ATP8A1: variants seen among roughly 807,000 people sequenced by gnomAD.
The protein encoded by ATP8A1 is phospholipid-transporting ATPase IA.
A neutral mutation model predicts 177.7 loss-of-function variants in ATP8A1; 90 were observed. The observed-to-expected ratio is 0.51, with a 90% CI of 0.43 to 0.60. The LOEUF is 0.60. Among genes scored for constraint, ATP8A1 ranks in the 20% least tolerant of loss-of-function variants. The pLI is 0.00. For missense variants in ATP8A1, 1,072 were observed against 1,392.8 expected, an observed-to-expected ratio of 0.77 and a Z score of 3.67; for synonymous variants, 493 against 485.9, an observed-to-expected ratio of 1.01 and a Z score of -0.19.
intron 20 of ATP8A1, among the ~76,000 whole-genome samples, chr4:42,529,418 CGTATCAT>C (rs1229104738): frequency 6.6e-6 from 1 of 152,166 alleles, no homozygotes; most frequent in Non-Finnish European, 1.5e-5. Flanking sequence ...ACCTGAACTG[CGTATCAT>C]GAACTGGGTA....
intron 18 of ATP8A1, 31 bp from the exon 19 acceptor site, chr4:42,549,093 C>A (rs1729221127): frequency 6.4e-7 from 1 of 1,554,316 alleles, no homozygotes; most frequent in East Asian, 2.2e-5. Flanking sequence ...TAATTACATA[C>A]AGTTGGAAAA....
At chr4:42,480,453 G>A (rs933234244) in intron 25 of ATP8A1, among the ~76,000 whole-genome samples, 1 of 152,150 alleles carries the variant, frequency 6.6e-6, no homozygotes, top group Non-Finnish European at 1.5e-5. Context: ...TTAACAGTTT[G>A]TAAAAGTCTT....
rs1381379066 is a variant in ATP8A1 at position 42,472,210 on chromosome 4, AT to A, written c.2325-7135del. 3 of 591,878 alleles carry A rather than the reference AT, an allele frequency of 5.1e-6. No homozygotes were observed. The African/African-American group carries it at 5.6e-5, about 11-fold the overall frequency. The allele number at this position is 591,878 out of a possible 1,614,324, so 36.7% of individuals were successfully genotyped here. A position where few individuals can be genotyped will look rare whatever the true frequency, so the allele number is the denominator to read the frequency against. On this transcript the variant is annotated intron_variant, in intron 25 of 36. Transcript: ENST00000381668. Reference sequence around the variant, plus strand: ...TGAGGACTTGATCTTCCCAAGTGAAATTGTGGGCAAGAGAATCTGTGTGAAA... The same window carrying A: ...TGAGGACTTGATCTTCCCAAGTGAAATGTGGGCAAGAGAATCTGTGTGAAA...
At chr4:42,655,180 T>A (rs1484127209) in intron 1 of ATP8A1, among the ~76,000 whole-genome samples, 1 of 152,246 alleles carries the variant, frequency 6.6e-6, no homozygotes. Context: ...ACTGAACTAG[T>A]TACTTGACCT....
At chr4:42,588,173 G>C (rs1733817846) in intron 8 of ATP8A1, 87 bp downstream of exon 8, 3 of 1,175,722 alleles carry the variant, frequency 2.6e-6, no homozygotes, top group Non-Finnish European at 2.5e-6. Flanking sequence ...GGACAGATTA[G>C]TTCAAGACAA....
intron 15 of ATP8A1, chr4:42,561,706 A>G (rs1577592320): frequency 6.6e-6 from 1 of 152,354 alleles, no homozygotes; most frequent in Non-Finnish European, 1.5e-5. Flanking sequence ...GCTCATCTCA[A>G]CAGAAGTCAC....
At chr4:42,514,836 A>G (rs893993153) in intron 22 of ATP8A1, among the ~76,000 whole-genome samples, 1 of 152,220 alleles carries the variant, frequency 6.6e-6, no homozygotes, top group African/African-American at 2.4e-5. Flanking sequence ...CTTTCACAAC[A>G]GCAAGATAAA....
At chr4:42,436,131 C>T (rs1715968626) in intron 33 of ATP8A1, among the ~76,000 whole-genome samples, 1 of 152,104 alleles carries the variant, frequency 6.6e-6, no homozygotes, top group Admixed American at 6.5e-5. Flanking sequence ...TGTGCCGTAC[C>T]AGGAGCAGGC....
At chr4:42,592,149 C>A (rs550493696) in intron 6 of ATP8A1, among the ~76,000 whole-genome samples, 9 of 152,210 alleles carry the variant, frequency 5.9e-5, no homozygotes, top group African/African-American at 2.2e-4. Context: ...AGCAGCACAG[C>A]TTTTATTTTG....
rs1405867606 is a variant in ATP8A1, at chr4:42,503,460, C to G, written c.2141G>C (p.Gly714Ala). 4 of 1,600,784 alleles carry G rather than the reference C, an allele frequency of 2.5e-6. No homozygotes were observed. Among genetic ancestry groups the G allele is most frequent in the Admixed American group, 3.4e-5 (2 of 59,636 alleles). The change falls in exon 24 of 37, where the codon GGC (glycine) becomes GCC (alanine). Residue 714 changes from glycine (G) to alanine (A), a missense_variant. Physicochemically the swap from Gly to Ala is moderately conservative, Grantham distance 60. This residue lies in a region of ATP8A1 where 388 missense variants were observed against 471.7 expected (regional missense o/e 0.82). Coordinates refer to ENST00000381668, the MANE Select transcript of ATP8A1 (RefSeq NM_006095.2). The stretch of plus-strand genomic sequence containing the variant: ...CATAATTTTACTTACATCAAGAGAG[C>G]CTTCATTTATAACAATCATTCCCAT... ...KNMGMIVINEGSLDGTRETLS... is the reference protein window; with the variant it reads ...KNMGMIVINEASLDGTRETLS...
At chr4:42,431,818 G>A (rs7694811) in intron 33 of ATP8A1, among the ~76,000 whole-genome samples, 62,362 of 151,524 alleles carry the variant, frequency 0.41, 13,021 homozygotes, top group African/African-American at 0.46. Context: ...AGGTCATTTA[G>A]TTTCTCTTGT....
At chr4:42,609,588 C>T (rs912800147) in intron 5 of ATP8A1, among the ~76,000 whole-genome samples, 2 of 152,152 alleles carry the variant, frequency 1.3e-5, no homozygotes, top group African/African-American at 2.4e-5. Flanking sequence ...AAATGAACAA[C>T]GGCTACTTCT....
chr4:42,485,613 T>C lies in ATP8A1; in HGVS notation c.2207A>G (p.Lys736Arg), dbSNP rs780318887. 2 of 1,613,776 alleles carry C rather than the reference T, an allele frequency of 1.2e-6. No individual in the cohort carries two copies. Among genetic ancestry groups the C allele is most frequent in the Non-Finnish European group, 1.7e-6 (2 of 1,179,784 alleles). ...HCTTLGDALR[K>R]ENDFALIIDG... ...AATTATAAGAGCAAAATCATTCTCTTTCCGGAGAGCATCACCAAGGGTAGT... is the reference window on the plus strand; with the variant it reads ...AATTATAAGAGCAAAATCATTCTCTCTCCGGAGAGCATCACCAAGGGTAGT... Residue 736 changes from lysine to arginine, a missense_variant, in exon 25 of 37, where the codon AAA (lysine) becomes AGA (arginine). Around this residue, in one of 5 missense-constraint regions of ATP8A1, gnomAD observed 388 missense variants for 471.7 expected, o/e 0.82. Coordinates refer to ENST00000381668, the MANE Select transcript of ATP8A1 (RefSeq NM_006095.2).
chr4:42,530,459 A>G (rs560817538), intron 20 of ATP8A1, among the ~76,000 whole-genome samples: 67 of 152,312 alleles, frequency 4.4e-4, no homozygotes, highest in African/African-American at 1.5e-3. Flanking sequence ...TGGACTCAAG[A>G]TCTTCCACAC....
chr4:42,479,748 AAGTT>A (rs1332716388), intron 25 of ATP8A1, among the ~76,000 whole-genome samples: 2 of 152,282 alleles, frequency 1.3e-5, no homozygotes, highest in African/African-American at 4.8e-5. Flanking sequence ...TGTTTATTCA[AAGTT>A]AGTATGAAAC....
At chr4:42,633,726 C>A (rs776379303) in intron 1 of ATP8A1, among the ~76,000 whole-genome samples, 15 of 152,164 alleles carry the variant, frequency 9.9e-5, no homozygotes, top group Non-Finnish European at 1.9e-4. Flanking sequence ...CAATGCCTGG[C>A]ACGTAGTAAG....
chr4:42,600,416 A>G, intron 6 of ATP8A1, 62 bp downstream of exon 6: 1 of 1,328,156 alleles, frequency 7.5e-7, no homozygotes, highest in Non-Finnish European at 1.0e-6. Context: ...AAAAAATTAT[A>G]TATACTAGAG....
At chr4:42,490,684 T>A (rs999155452) in intron 24 of ATP8A1, among the ~76,000 whole-genome samples, 2 of 152,182 alleles carry the variant, frequency 1.3e-5, no homozygotes, top group Non-Finnish European at 2.9e-5. Context: ...ATTCTCCCCA[T>A]TGGCACTATT....
chr4:42,505,615 AAAAT>A (rs1320936310), intron 23 of ATP8A1, among the ~76,000 whole-genome samples: 1 of 152,228 alleles, frequency 6.6e-6, no homozygotes, highest in African/African-American at 2.4e-5. Flanking sequence ...TAGTTTTTAA[AAAAT>A]AAACTGAATT....
Sources: allele counts gnomAD v4.1 joint callset (sites outside exome capture counted in the v4.1 genomes callset), GRCh38; gene constraint gnomAD v4.1.1; regional missense constraint gnomAD v4.1.1; transcripts MANE v1.5; gene names NCBI Gene and HGNC (gene_info 2026-07-23, HGNC 2026-07-21).